BTBD10: variants seen among roughly 807,000 people sequenced by gnomAD.
BTBD10 encodes BTB/POZ domain-containing protein 10.
Under a neutral mutation model 53.2 loss-of-function variants are expected in BTBD10, and 21 were observed. The observed-to-expected ratio is 0.39, with a 90% CI of 0.28 to 0.57. The LOEUF (loss-of-function observed/expected upper bound fraction) is 0.57. BTBD10 is among the 20% of genes least tolerant of loss of function. The pLI is 0.53. For synonymous variants in BTBD10, 149 were observed against 192.7 expected (o/e 0.77, Z 1.88); for missense variants, 360 against 594.7 (o/e 0.61, Z 4.10).
intron 6 of BTBD10, among the ~76,000 whole-genome samples, chr11:13,412,764 T>A (rs1014144913): frequency 1.3e-5 from 2 of 152,232 alleles, no homozygotes; most frequent in Admixed American, 1.3e-4. Context: ...TAGCCCACAA[T>A]GACTTCCCCT....
At chr11:13,432,090 T>G (rs1355788617) in intron 2 of BTBD10, among the ~76,000 whole-genome samples, 1 of 152,000 alleles carries the variant, frequency 6.6e-6, no homozygotes, top group Non-Finnish European at 1.5e-5. Flanking sequence ...TTTCGCTGAA[T>G]GAAAAAACCC....
At chr11:13,404,923 T>C (rs1318024517) in intron 7 of BTBD10, among the ~76,000 whole-genome samples, 3 of 152,144 alleles carry the variant, frequency 2.0e-5, no homozygotes, top group Non-Finnish European at 2.9e-5. Context: ...TATTAAACCC[T>C]AATCCTTACC....
At position 13,395,997 on chromosome 11, in the gene BTBD10, G is replaced by C. The variant is rs868615508; in HGVS notation, c.1118-6856C>G. On this transcript the variant is annotated intron_variant, in intron 8 of 8. Transcript: ENST00000278174. ...TGATGCCTCCAGCTTTGTTCTTTTG[G>C]CTTAGGATTGACTTGGCAATGCGGG... is the stretch of plus-strand genomic sequence containing the variant. Among the ~76,000 whole-genome samples the C allele has an allele frequency of 4.1e-3, 629 of 152,136 alleles. 4 individuals are homozygous for C. Among genetic ancestry groups the C allele is most frequent in the Middle Eastern group, 0.017 (5 of 294 alleles).
At chr11:13,411,394 A>C (rs1019133847) in intron 6 of BTBD10, among the ~76,000 whole-genome samples, 1 of 152,200 alleles carries the variant, frequency 6.6e-6, no homozygotes, top group Non-Finnish European at 1.5e-5. Context: ...AAAAAAATTT[A>C]CTTTTGGATT....
intron 2 of BTBD10, among the ~76,000 whole-genome samples, chr11:13,428,866 T>C (rs1950395538): frequency 6.6e-6 from 1 of 152,132 alleles, no homozygotes; most frequent in African/African-American, 2.4e-5. Context: ...TGATCATCTA[T>C]TGTAGGCTCT....
chr11:13,462,153 A>T (rs1455943141), intron 1 of BTBD10, among the ~76,000 whole-genome samples: 1 of 152,090 alleles, frequency 6.6e-6, no homozygotes, highest in Non-Finnish European at 1.5e-5. Flanking sequence ...TTTCATTGAA[A>T]ATTTATCCCT....
At chr11:13,398,764 C>T (rs554132967) in intron 8 of BTBD10, among the ~76,000 whole-genome samples, 1 of 152,204 alleles carries the variant, frequency 6.6e-6, no homozygotes, top group South Asian at 2.1e-4. Context: ...TCAGCATTTG[C>T]TTGTCTGTAA....
intron 8 of BTBD10, among the ~76,000 whole-genome samples, chr11:13,399,996 G>A (rs183790516): frequency 1.2e-3 from 184 of 152,338 alleles, no homozygotes; most frequent in Non-Finnish European, 2.3e-3. Context: ...CGGGGCTCAG[G>A]GACCCACTTC....
chr11:13,402,225 A>G (rs951984807), intron 8 of BTBD10, among the ~76,000 whole-genome samples: 4 of 152,276 alleles, frequency 2.6e-5, no homozygotes, highest in African/African-American at 9.6e-5. Flanking sequence ...CTTCCTATAT[A>G]TCTCAGCAGC....
At position 13,463,181 on chromosome 11, in the gene BTBD10, C is replaced by T. The variant is rs182190047; in HGVS notation, c.-147G>A. 1 of 152,594 alleles carries T rather than the reference C, an allele frequency of 6.6e-6. No homozygotes were observed. The highest frequency in any genetic ancestry group is 1.9e-4 in the East Asian group (1 of 5,178). 9.5% of individuals were successfully genotyped at this position (152,594 alleles called of 1,614,324 possible). On this transcript the variant is annotated 5_prime_UTR_variant, in exon 1 of 9. Transcript: ENST00000278174. Reference sequence around the variant, plus strand: ...ACCTCCACTTCCTCCTCAGCCAGATCCCTCCGGAGGTGGCTGTGGAGGAAG... The same window carrying T: ...ACCTCCACTTCCTCCTCAGCCAGATTCCTCCGGAGGTGGCTGTGGAGGAAG...
intron 8 of BTBD10, among the ~76,000 whole-genome samples, chr11:13,389,797 G>T (rs10832032): frequency 0.45 from 68,938 of 152,104 alleles, 16,085 homozygotes; most frequent in East Asian, 0.74. Flanking sequence ...ACATTAGCCT[G>T]CTAGTTTCCT....
chr11:13,454,969 G>T (rs1379808864), intron 1 of BTBD10, among the ~76,000 whole-genome samples: 2 of 152,202 alleles, frequency 1.3e-5, no homozygotes, highest in Non-Finnish European at 2.9e-5. Context: ...GGGGTGCAAT[G>T]ATGCAATCTC....
chr11:13,444,842 A>AC lies in BTBD10; in HGVS notation c.101+181_101+182insG, dbSNP rs1374193969. Among the ~76,000 whole-genome samples the AC allele has an allele frequency of 3.3e-5, 5 of 152,170 alleles. No homozygotes were observed. The South Asian group carries it at 6.2e-4, about 19-fold the overall frequency. On this transcript the variant is annotated intron_variant, in intron 2 of 8. Transcript: ENST00000278174. Reference sequence around the variant, plus strand: ...CAGAAATAAATATTCAAATACAAATATTAAAAAATTAAAAAGAAATGTTTC... The same window carrying AC: ...CAGAAATAAATATTCAAATACAAATACTTAAAAAATTAAAAAGAAATGTTTC...
chr11:13,417,417 A>C (rs540678050), intron 4 of BTBD10, among the ~76,000 whole-genome samples, 157 bp from the exon 5 acceptor site: 2 of 152,366 alleles, frequency 1.3e-5, no homozygotes, highest in South Asian at 4.1e-4. Context: ...AAAAGAAAGA[A>C]TATTAAAAAC....
In BTBD10 at chr11:13,463,200, G is replaced by C. The variant is rs1357629290; in HGVS notation, c.-166C>G. ...CCAGATCCCTCCGGAGGTGGCTGTG[G>C]AGGAAGCCACTGAGGCGGCTGCGCG... On this transcript the variant is annotated 5_prime_UTR_variant, in exon 1 of 9. Transcript: ENST00000278174. The C allele has an allele frequency of 6.6e-6, 1 of 151,364 alleles. No individual in the cohort carries two copies. Among genetic ancestry groups the C allele is most frequent in the Admixed American group, 6.6e-5 (1 of 15,178 alleles). 9.4% of individuals were successfully genotyped at this position (151,364 alleles called of 1,614,324 possible).
At position 13,417,267 on chromosome 11, in the gene BTBD10, T is replaced by C. The variant is rs1171351574; in HGVS notation, c.585-7A>G. On this transcript the variant is annotated splice_polypyrimidine_tract_variant and splice_region_variant and intron_variant, in intron 4 of 8. Coordinates refer to ENST00000278174, the MANE Select transcript of BTBD10 (RefSeq NM_032320.7). ...TCGGCCAGATCCAAACATCCTATGATAGTAAATAATTGAGAAATACGTCAA... is the reference window on the plus strand; with the variant it reads ...TCGGCCAGATCCAAACATCCTATGACAGTAAATAATTGAGAAATACGTCAA... 3.1e-6 allele frequency: 5 copies of C among 1,589,044 alleles called. No individual in the cohort carries two copies. The highest frequency in any genetic ancestry group is 1.3e-5 in the African/African-American group (1 of 74,246).
rs912964268 is a variant in BTBD10, at chr11:13,437,341, C to T, written c.101+7683G>A. 5.3e-5 allele frequency among the ~76,000 whole-genome samples: 8 copies of T among 152,240 alleles called. No homozygotes were observed. In the East Asian group the frequency reaches 1.5e-3, roughly 29 times the overall value. ...CTTTTTCATATGTGATGCTGTAGAG[C>T]GATGCTACCTTAATGTATCCTGGTG... On this transcript the variant is annotated intron_variant, in intron 2 of 8. Coordinates refer to ENST00000278174, the MANE Select transcript of BTBD10 (RefSeq NM_032320.7).
chr11:13,431,777 T>G (rs1950452418), intron 2 of BTBD10, among the ~76,000 whole-genome samples: 1 of 152,150 alleles, frequency 6.6e-6, no homozygotes, highest in African/African-American at 2.4e-5. Flanking sequence ...TCACCTAATT[T>G]GTTTAAAAAT....
intron 8 of BTBD10, among the ~76,000 whole-genome samples, chr11:13,391,088 A>G (rs554957100): frequency 2.0e-5 from 3 of 152,282 alleles, no homozygotes; most frequent in Non-Finnish European, 2.9e-5. Context: ...TCATATTACA[A>G]TCCTTGCTTA....
Sources: allele counts gnomAD v4.1 joint callset (sites outside exome capture counted in the v4.1 genomes callset), GRCh38; gene constraint gnomAD v4.1.1; transcripts MANE v1.5; gene names NCBI Gene and HGNC (gene_info 2026-07-23, HGNC 2026-07-21).